NBPF19: variants seen among roughly 807,000 people sequenced by gnomAD.
NBPF19 encodes NBPF member 19.
NBPF19 carries 30 observed loss-of-function variants against 45.9 expected under a neutral mutation model. That is an observed-to-expected ratio of 0.65 (90% CI 0.49 to 0.89). The LOEUF is 0.89. NBPF19 is among the 40% of genes least tolerant of loss of function. The probability of loss-of-function intolerance (pLI) is 0.00; values close to 1 mark genes in which losing one functional copy is unlikely to be tolerated. For missense variants in NBPF19, 495 were observed against 471.8 expected (o/e 1.05, Z -0.46); for synonymous variants, 183 against 181.2 (o/e 1.01, Z -0.08).
chr1:149,488,346 C>A (rs2085746418), intron 10 of NBPF19, among the ~76,000 whole-genome samples, 161 bp downstream of exon 10: 1 of 140,968 alleles, frequency 7.1e-6, no homozygotes, highest in Non-Finnish European at 1.5e-5. Context: ...CACTTGGCAG[C>A]CCAGACAAGG....
At position 149,487,242 on chromosome 1, in the gene NBPF19, T is replaced by A. The variant is rs1181126806; in HGVS notation, c.989-90T>A. On this transcript the variant is annotated intron_variant, in intron 8 of 93. Coordinates refer to ENST00000651566, the MANE Select transcript of NBPF19 (RefSeq NM_001351365.2). ...TCTCCTGTTCTCACACTGACAAGAC[T>A]GATGTCCCTGTGTTAGGATTGGACA... 5.5e-5 allele frequency: 47 copies of A among 858,396 alleles called. 2 individuals are homozygous for A. The highest frequency in any genetic ancestry group is 1.0e-4 in the Admixed American group (6 of 58,850). 53.2% of individuals were successfully genotyped at this position (858,396 alleles called of 1,614,324 possible).
At chr1:149,477,314 A>G (rs1258045034) in intron 2 of NBPF19, among the ~76,000 whole-genome samples, 3 of 151,346 alleles carry the variant, frequency 2.0e-5, no homozygotes, top group Admixed American at 2.0e-4. Context: ...AAATTAACAC[A>G]AACTAATGCT....
Position 149,487,358 on chromosome 1 carries a change from G to A in NBPF19, c.1015G>A (p.Glu339Lys), listed in dbSNP as rs1287630428. 3 of 1,559,450 alleles carry A rather than the reference G, an allele frequency of 1.9e-6. No individual in the cohort carries two copies. Among genetic ancestry groups the A allele is most frequent in the African/African-American group, 2.7e-5 (2 of 73,698 alleles). ...GRHRWDQVKK[E>K]DQEATGPRLS... ...ACATCGCTGGGATCAAGTGAAAAAG[G>A]AGGACCAAGAGGCAACAGGTCCCAG... Residue 339 changes from glutamate (E) to lysine (K), a missense_variant, in exon 9 of 94, where the codon GAG becomes AAG. Glu to Lys is a moderately conservative substitution (Grantham distance 56). This residue lies in a region of NBPF19 where 146 missense variants were observed against 67.3 expected (regional missense o/e 2.17). Coordinates refer to ENST00000651566, the MANE Select transcript of NBPF19 (RefSeq NM_001351365.2).
At position 149,554,918 on chromosome 1, in the gene NBPF19, G is replaced by T. The variant is rs1261370456; in HGVS notation, c.*180G>T. On this transcript the variant is annotated 3_prime_UTR_variant, in exon 94 of 94. Transcript: ENST00000651566. ...ACCTGTGCTCAGTCTGAAGACAATG[G>T]ACCCACGTTAGGTGTGACACGTTCA... 3.5e-6 allele frequency: 4 copies of T among 1,126,838 alleles called. No individual in the cohort carries two copies. The highest frequency in any genetic ancestry group is 4.8e-5 in the East Asian group (2 of 41,876). The allele number at this position is 1,126,838 out of a possible 1,614,324, so 69.8% of individuals were successfully genotyped here. A position where few individuals can be genotyped will look rare whatever the true frequency, so the allele number is the denominator to read the frequency against.
chr1:149,486,067 G>T, intron 7 of NBPF19, 63 bp from the exon 8 acceptor site: 2 of 261,348 alleles, frequency 7.7e-6, no homozygotes. Context: ...CATCTGGGAG[G>T]TTTTGTTGTC....
intron 9 of NBPF19, among the ~76,000 whole-genome samples, chr1:149,487,775 CTGTGTG>C (rs1219803937): frequency 0.049 from 6,306 of 128,628 alleles, 156 homozygotes; most frequent in East Asian, 0.061. Flanking sequence ...TGAGCTCGCT[CTGTGTG>C]TGTGTGTGTG....
chr1:149,494,349 C>T lies in NBPF19; in HGVS notation c.2029C>T (p.Pro677Ser), dbSNP rs2086005840. 9.3e-6 allele frequency: 3 copies of T among 322,770 alleles called. No individual in the cohort carries two copies. The highest frequency in any genetic ancestry group is 1.6e-5 in the Non-Finnish European group (3 of 191,226). 20.0% of individuals were successfully genotyped at this position (322,770 alleles called of 1,614,324 possible). A position where few individuals can be genotyped will look rare whatever the true frequency, so the allele number is the denominator to read the frequency against. The change falls in exon 18 of 94, where the codon CCT (proline) becomes TCT (serine). Residue 677 changes from proline to serine, a missense_variant. Pro to Ser is a moderately conservative substitution (Grantham distance 74). Coordinates refer to ENST00000651566, the MANE Select transcript of NBPF19 (RefSeq NM_001351365.2). ...CAGGGAGCTGCTGGATGAGAAAGAG[C>T]CTGAAGTCTTGCAGGACTCACTGGA... ...LSRELLDEKE[P>S]EVLQDSLDRC...
intron 8 of NBPF19, 73 bp downstream of exon 8, chr1:149,486,366 G>C (rs1449087720): frequency 1.2e-5 from 8 of 648,756 alleles, no homozygotes; most frequent in South Asian, 1.1e-4. Context: ...TTTGGGCCTT[G>C]TGCCCCTTGT....
chr1:149,554,612 A>C lies in NBPF19; in HGVS notation c.11406A>C (p.Arg3802Ser). ...FELPDSFQHYRSVFYSFEEEH... is the reference protein window; with the variant it reads ...FELPDSFQHYSSVFYSFEEEH... ...TACCTGACTCATTCCAGCACTACAG[A>C]AGTGTGTTTTACTCATTTGAGGAAG... The change falls in exon 94 of 94, where the codon AGA (arginine) becomes AGC (serine). Residue 3802 changes from arginine (R) to serine (S), a missense_variant. Physicochemically the swap from Arg to Ser is moderately radical, Grantham distance 110. Transcript: ENST00000651566. 1 of 1,608,300 alleles carries C rather than the reference A, an allele frequency of 6.2e-7. No homozygotes were observed. The highest frequency in any genetic ancestry group is 8.5e-7 in the Non-Finnish European group (1 of 1,176,780).
intron 3 of NBPF19, among the ~76,000 whole-genome samples, chr1:149,478,252 C>G (rs2084964321): frequency 6.6e-6 from 1 of 151,166 alleles, no homozygotes; most frequent in African/African-American, 2.4e-5. Context: ...GCCTTGTTTT[C>G]TCTTTTTCAA....
At chr1:149,514,833 T>C in intron 43 of NBPF19, 103 bp from the exon 44 acceptor site, 2 of 469,110 alleles carry the variant, frequency 4.3e-6, no homozygotes, top group Non-Finnish European at 7.7e-6. Context: ...ATCTATCCTT[T>C]TAGTTTCTTA....
At chr1:149,528,963 G>T (rs1382500063) in intron 61 of NBPF19, among the ~76,000 whole-genome samples, 4 of 132,984 alleles carry the variant, frequency 3.0e-5, no homozygotes, top group East Asian at 2.3e-4. Flanking sequence ...GTGTGTGTGT[G>T]TGTGTGTGTG....
At chr1:149,486,458 C>G (rs1370038232) in intron 8 of NBPF19, among the ~76,000 whole-genome samples, 165 bp downstream of exon 8, 1 of 149,670 alleles carries the variant, frequency 6.7e-6, no homozygotes, top group Non-Finnish European at 1.5e-5. Context: ...GTCTGAAGCA[C>G]AGGCATGGGG....
intron 10 of NBPF19, 102 bp downstream of exon 10, chr1:149,488,287 C>G: frequency 1.7e-6 from 1 of 572,096 alleles, no homozygotes; most frequent in East Asian, 3.2e-5. Flanking sequence ...GATGTCATTG[C>G]CACAGGGAGG....
intron 8 of NBPF19, among the ~76,000 whole-genome samples, chr1:149,486,675 G>T (rs1486338350): frequency 6.6e-6 from 1 of 151,264 alleles, no homozygotes; most frequent in Non-Finnish European, 1.5e-5. Flanking sequence ...TGTTCCCAAA[G>T]CATGTCTGTG....
intron 8 of NBPF19, 68 bp from the exon 9 acceptor site, chr1:149,487,264 G>A: frequency 1.7e-6 from 2 of 1,165,430 alleles, no homozygotes; most frequent in Non-Finnish European, 2.5e-6. Context: ...GTTAGGATTG[G>A]ACAGAGGAAT....
rs1335157928 is a variant in NBPF19 at position 149,553,969 on chromosome 1, T to C, written c.11288+87T>C. 7.6e-4 allele frequency: 173 copies of C among 226,400 alleles called. No individual in the cohort carries two copies. The African/African-American group carries it at 9.0e-3, about 12-fold the overall frequency. The allele number at this position is 226,400 out of a possible 1,614,324, so 14.0% of individuals were successfully genotyped here. A position where few individuals can be genotyped will look rare whatever the true frequency, so the allele number is the denominator to read the frequency against. ...GGAAACCAGAGTGTGTTTGATGTCA[T>C]GTTTTCAACGAAGGCTGAATTACTC... On this transcript the variant is annotated intron_variant, in intron 93 of 93. Coordinates refer to ENST00000651566, the MANE Select transcript of NBPF19 (RefSeq NM_001351365.2).
At chr1:149,486,419 A>C in intron 8 of NBPF19, 126 bp downstream of exon 8, 2 of 679,630 alleles carry the variant, frequency 2.9e-6, no homozygotes, top group South Asian at 3.1e-5. Flanking sequence ...CCTATATATC[A>C]ATGTAGATTT....
At position 149,554,702 on chromosome 1, in the gene NBPF19, T is replaced by C; in HGVS notation, c.11496T>C (p.His3832=). 1.9e-6 allele frequency: 3 copies of C among 1,608,308 alleles called. No individual in the cohort carries two copies. The highest frequency in any genetic ancestry group is 1.3e-5 in the African/African-American group (1 of 74,802). Residue 3832 remains histidine (H), a synonymous_variant, in exon 94 of 94, where the codon CAT becomes CAC. Coordinates refer to ENST00000651566, the MANE Select transcript of NBPF19 (RefSeq NM_001351365.2). ...RFFTLTVTSL[H]LVFQMLVIFP... ...TTACTTTGACGGTGACAAGTCTCCATCTGGTGTTCCAGATGTTAGTCATAT... is the reference window on the plus strand; with the variant it reads ...TTACTTTGACGGTGACAAGTCTCCACCTGGTGTTCCAGATGTTAGTCATAT...
Sources: gnomAD v4.1 joint callset for allele counts (sites outside exome capture counted in the v4.1 genomes callset) on GRCh38, gnomAD v4.1.1 for gene constraint, gnomAD v4.1.1 regional missense constraint, MANE v1.5 for transcripts, NCBI Gene and HGNC (gene_info 2026-07-23, HGNC 2026-07-21) for gene names.